MAGI2: variants seen among roughly 807,000 people sequenced by gnomAD.
MAGI2 encodes the protein membrane-associated guanylate kinase, WW and PDZ domain-containing protein 2.
MAGI2 carries 35 observed loss-of-function variants against 133.3 expected under a neutral mutation model. That is an observed-to-expected ratio of 0.26 (90% CI 0.20 to 0.35). MAGI2 has a LOEUF of 0.35. Among genes scored for constraint, MAGI2 ranks in the 10% least tolerant of loss-of-function variants. MAGI2 has a pLI of 1.00. For missense variants in MAGI2, 1,636 were observed against 1,863.4 expected, an observed-to-expected ratio of 0.88 and a Z score of 2.25; for synonymous variants, 729 against 710.6, an observed-to-expected ratio of 1.03 and a Z score of -0.41.
chr7:78,604,835 T>C (rs916890777), intron 3 of MAGI2, among the ~76,000 whole-genome samples: 3 of 152,252 alleles, frequency 2.0e-5, no homozygotes, highest in Admixed American at 6.5e-5. Flanking sequence ...TGTTTAGTTT[T>C]TAATTCTTTC....
At chr7:79,341,126 T>G (rs759071221) in intron 1 of MAGI2, among the ~76,000 whole-genome samples, 77 of 152,284 alleles carry the variant, frequency 5.1e-4, no homozygotes, top group Admixed American at 7.2e-4. Flanking sequence ...ACATAGCACT[T>G]ATGTTGTAAG....
rs71958470 is a variant in MAGI2 at position 78,069,508 on chromosome 7, TGA to T, written c.3706+9437_3706+9438del. Among the ~76,000 whole-genome samples, 1,171 of 142,500 alleles carry T rather than the reference TGA, an allele frequency of 8.2e-3. 7 individuals are homozygous for T. The highest frequency in any genetic ancestry group is 0.029 in the African/African-American group (1,105 of 38,420). The allele number at this position is 142,500 out of a possible 152,430, so 93.5% of individuals were successfully genotyped here. On this transcript the variant is annotated intron_variant, in intron 21 of 21. Transcript: ENST00000354212. ...ATGTGTATGTGTGTATGTGTGTGTG[TGA>T]GAGAGAGAGAGATTGAAAGAAAGAG...
chr7:78,541,194 AT>A (rs201711388), intron 3 of MAGI2, among the ~76,000 whole-genome samples: 18 of 150,720 alleles, frequency 1.2e-4, no homozygotes, highest in East Asian at 3.9e-4. Flanking sequence ...TGCAATAAGG[AT>A]TTTTTTTTTA....
intron 7 of MAGI2, among the ~76,000 whole-genome samples, chr7:78,352,198 G>A (rs1157690770): frequency 6.6e-6 from 1 of 151,976 alleles, no homozygotes; most frequent in Non-Finnish European, 1.5e-5. Context: ...GATAGGGGAG[G>A]GACAAAGATG....
intron 1 of MAGI2, among the ~76,000 whole-genome samples, chr7:79,152,894 C>A (rs192221925): frequency 3.3e-5 from 5 of 152,274 alleles, no homozygotes; most frequent in Non-Finnish European, 7.4e-5. Flanking sequence ...TCAATTTCAA[C>A]CTCAAATTAT....
chr7:79,181,522 G>A (rs961943344), intron 1 of MAGI2, among the ~76,000 whole-genome samples: 15 of 151,922 alleles, frequency 9.9e-5, no homozygotes, highest in East Asian at 2.0e-4. Context: ...CCCTGGGCCC[G>A]GCCCACAAAA....
At chr7:78,213,014 GA>G (rs1220240628) in intron 10 of MAGI2, among the ~76,000 whole-genome samples, 1 of 152,148 alleles carries the variant, frequency 6.6e-6, no homozygotes, top group Non-Finnish European at 1.5e-5. Flanking sequence ...GTGATGGAAG[GA>G]GAAGCCTGGA....
intron 6 of MAGI2, among the ~76,000 whole-genome samples, chr7:78,483,538 C>A (rs765622435): frequency 6.6e-6 from 1 of 151,904 alleles, no homozygotes; most frequent in African/African-American, 2.4e-5. Flanking sequence ...CTGGGACCAA[C>A]GAGAACAGAT....
intron 6 of MAGI2, among the ~76,000 whole-genome samples, chr7:78,420,427 G>A (rs564689073): frequency 6.6e-6 from 1 of 152,214 alleles, no homozygotes; most frequent in South Asian, 2.1e-4. Context: ...ATCCAATAAA[G>A]TTTAAGAATA....
At position 78,662,370 on chromosome 7, in the gene MAGI2, A is replaced by G. The variant is rs182566706; in HGVS notation, c.419-35131T>C. Among the ~76,000 whole-genome samples the G allele has an allele frequency of 1.7e-3, 259 of 152,236 alleles. 1 individual carries two copies. The highest frequency in any genetic ancestry group is 5.9e-3 in the African/African-American group (247 of 41,538). On this transcript the variant is annotated intron_variant, in intron 2 of 21. Transcript: ENST00000354212. ...AATCTTGTAGTATTTTCTTACTTCT[A>G]TGTTGCTTTTGCCTCAAATACTTTA...
At chr7:78,564,783 CTTTTTTTTTTT>C (rs35069216) in intron 3 of MAGI2, among the ~76,000 whole-genome samples, 14 of 64,362 alleles carry the variant, frequency 2.2e-4, no homozygotes, top group East Asian at 5.5e-4. Context: ...CTTTGACATT[CTTTTTTTTTTT>C]TTTTTTTTTT....
chr7:78,780,796 G>A (rs1305694839), intron 2 of MAGI2, among the ~76,000 whole-genome samples: 1 of 152,240 alleles, frequency 6.6e-6, no homozygotes, highest in South Asian at 2.1e-4. Flanking sequence ...GAACAGAAAG[G>A]GAAAGTAAAC....
At chr7:78,559,166 A>G (rs1311106830) in intron 3 of MAGI2, among the ~76,000 whole-genome samples, 1 of 72,636 alleles carries the variant, frequency 1.4e-5, no homozygotes, top group Non-Finnish European at 2.8e-5. Context: ...AAAAAAAAAA[A>G]AGCCAAAAAG....
intron 3 of MAGI2, among the ~76,000 whole-genome samples, chr7:78,534,727 G>A (rs57061596): frequency 6.6e-6 from 1 of 152,140 alleles, no homozygotes; most frequent in East Asian, 1.9e-4. Context: ...TTTGTTTCTA[G>A]ACTGATGACC....
intron 6 of MAGI2, among the ~76,000 whole-genome samples, chr7:78,460,569 G>C (rs1789864622): frequency 6.6e-6 from 1 of 152,126 alleles, no homozygotes; most frequent in African/African-American, 2.4e-5. Context: ...ATGACAGTGT[G>C]GTCTAAGAAG....
intron 5 of MAGI2, among the ~76,000 whole-genome samples, chr7:78,494,650 C>T (rs866045259): frequency 2.2e-4 from 34 of 152,078 alleles, no homozygotes; most frequent in Middle Eastern, 3.4e-3. Flanking sequence ...TCTTTTCTTT[C>T]GTTCTTTAAT....
chr7:78,315,909 C>T (rs1009730788), intron 9 of MAGI2, among the ~76,000 whole-genome samples: 16 of 152,234 alleles, frequency 1.1e-4, no homozygotes, highest in East Asian at 7.7e-4. Context: ...ATTTGCTTTG[C>T]TTCAACAATT....
chr7:78,250,420 T>G (rs951200225), intron 10 of MAGI2, among the ~76,000 whole-genome samples: 1 of 152,114 alleles, frequency 6.6e-6, no homozygotes, highest in African/African-American at 2.4e-5. Flanking sequence ...TTTATAGTTT[T>G]AAGTGATTTC....
In MAGI2 at chr7:78,018,243, AAAT is replaced by A. The variant is rs1807947840; in HGVS notation, c.*1069_*1071del. Reference sequence around the variant, plus strand: ...TAAAAAGACTCACGTTCTTTAATGAAAATAAATTGATTGTAATTTTTTAATATT... The same window carrying A: ...TAAAAAGACTCACGTTCTTTAATGAAAAATTGATTGTAATTTTTTAATATT... On this transcript the variant is annotated 3_prime_UTR_variant, in exon 22 of 22. Transcript: ENST00000354212. 1 of 152,650 alleles carries A rather than the reference AAAT, an allele frequency of 6.6e-6. No individual in the cohort carries two copies. The highest frequency in any genetic ancestry group is 2.4e-5 in the African/African-American group (1 of 41,456). 9.5% of individuals were successfully genotyped at this position (152,650 alleles called of 1,614,324 possible).
Sources: allele counts gnomAD v4.1 joint callset (sites outside exome capture counted in the v4.1 genomes callset), GRCh38; gene constraint gnomAD v4.1.1; transcripts MANE v1.5; gene names NCBI Gene and HGNC (gene_info 2026-07-23, HGNC 2026-07-21).